Variants in CDYL2 observed in about 807,000 individuals in gnomAD.
CDYL2 encodes the protein chromodomain Y like 2.
Under a neutral mutation model 49.4 loss-of-function variants are expected in CDYL2, and 23 were observed. The observed-to-expected ratio is 0.47, with a 90% confidence interval of 0.34 to 0.66. The LOEUF (loss-of-function observed/expected upper bound fraction) is 0.66, where lower values mean the gene tolerates loss of function less well. Ranked by LOEUF, CDYL2 falls within the 30% of genes least tolerant of loss-of-function variation. The probability of loss-of-function intolerance (pLI) is 0.01; values close to 1 mark genes in which losing one functional copy is unlikely to be tolerated. For synonymous variants in CDYL2, 360 were observed against 268.8 expected (o/e 1.34, Z -3.32); for missense variants, 678 against 656.4 (o/e 1.03, Z -0.36).
intron 1 of CDYL2, among the ~76,000 whole-genome samples, chr16:80,771,153 T>A (rs1906891658): frequency 6.6e-6 from 1 of 152,226 alleles, no homozygotes; most frequent in Admixed American, 6.5e-5. Flanking sequence ...CACTGTCTGA[T>A]AAAAGCAGAT....
chr16:80,673,769 G>A (rs909912954), intron 2 of CDYL2, among the ~76,000 whole-genome samples: 1 of 152,194 alleles, frequency 6.6e-6, no homozygotes, highest in African/African-American at 2.4e-5. Flanking sequence ...ATGGCAAAAA[G>A]GACTTTGTGA....
intron 2 of CDYL2, among the ~76,000 whole-genome samples, chr16:80,641,978 C>T (rs1447451516): frequency 1.3e-5 from 2 of 150,556 alleles, no homozygotes; most frequent in Admixed American, 6.6e-5. Flanking sequence ...CAGAAAAAAA[C>T]GGAATACTAT....
intron 1 of CDYL2, among the ~76,000 whole-genome samples, chr16:80,710,758 T>A (rs1436170155): frequency 6.6e-6 from 1 of 152,050 alleles, no homozygotes; most frequent in Non-Finnish European, 1.5e-5. Context: ...CACACACACA[T>A]ACACACAGAG....
intron 2 of CDYL2, 73 bp from the exon 3 acceptor site, chr16:80,633,309 T>C (rs1332351331): frequency 1.7e-5 from 25 of 1,475,240 alleles, no homozygotes; most frequent in East Asian, 1.1e-4. Context: ...TCAGAGGACG[T>C]TGGGATTTCC....
chr16:80,783,345 T>C (rs751957375), intron 1 of CDYL2, among the ~76,000 whole-genome samples: 4 of 152,188 alleles, frequency 2.6e-5, no homozygotes, highest in African/African-American at 4.8e-5. Context: ...AGGATGGCTA[T>C]AATCAAAAAA....
chr16:80,793,487 C>T (rs754698668), intron 1 of CDYL2, among the ~76,000 whole-genome samples: 1 of 152,204 alleles, frequency 6.6e-6, no homozygotes, highest in African/African-American at 2.4e-5. Flanking sequence ...ATACAGGAAG[C>T]ACTCAATGAA....
intron 3 of CDYL2, among the ~76,000 whole-genome samples, chr16:80,622,898 C>G (rs1421004101): frequency 6.6e-6 from 1 of 152,162 alleles, no homozygotes; most frequent in Non-Finnish European, 1.5e-5. Flanking sequence ...TTACAGAGCA[C>G]TTGCCCATGA....
At chr16:80,625,472 T>C (rs1180615378) in intron 3 of CDYL2, among the ~76,000 whole-genome samples, 3 of 152,214 alleles carry the variant, frequency 2.0e-5, no homozygotes, top group Admixed American at 6.5e-5. Context: ...GCACCCTTAA[T>C]TGTATATCTG....
At chr16:80,783,479 C>G (rs12447629) in intron 1 of CDYL2, among the ~76,000 whole-genome samples, 13,357 of 152,136 alleles carry the variant, frequency 0.088, 726 homozygotes, top group African/African-American at 0.16. Flanking sequence ...CCATGGAACT[C>G]AGCAACCACC....
intron 1 of CDYL2, among the ~76,000 whole-genome samples, chr16:80,761,016 T>C (rs141056181): frequency 3.3e-5 from 5 of 152,218 alleles, no homozygotes; most frequent in African/African-American, 9.6e-5. Context: ...CAATGTGCAA[T>C]AGACTTCAGA....
chr16:80,759,150 A>ATATGGTTTATATATAT (rs1211358459), intron 1 of CDYL2, among the ~76,000 whole-genome samples: 1 of 80,838 alleles, frequency 1.2e-5, no homozygotes, highest in Non-Finnish European at 2.4e-5. Flanking sequence ...GGTTTATATA[A>ATATGGTTTATATATAT]ATATATGGTT....
chr16:80,777,360 A>C (rs374806886), intron 1 of CDYL2, among the ~76,000 whole-genome samples: 2 of 152,126 alleles, frequency 1.3e-5, no homozygotes, highest in South Asian at 2.1e-4. Flanking sequence ...AGATGAAGGA[A>C]TGAATGATAA....
chr16:80,692,534 G>T (rs899038663), intron 1 of CDYL2, among the ~76,000 whole-genome samples: 7 of 152,286 alleles, frequency 4.6e-5, no homozygotes, highest in South Asian at 2.1e-4. Flanking sequence ...ACTGGAGAAG[G>T]TGTAGTAAGA....
intron 2 of CDYL2, among the ~76,000 whole-genome samples, chr16:80,658,184 T>C (rs551330127): frequency 1.8e-4 from 28 of 151,714 alleles, no homozygotes; most frequent in African/African-American, 6.5e-4. Flanking sequence ...CAGGGAAAAT[T>C]GAGTAAAAGG....
chr16:80,611,554 G>A (rs1906597306), intron 5 of CDYL2, among the ~76,000 whole-genome samples: 1 of 152,178 alleles, frequency 6.6e-6, no homozygotes, highest in South Asian at 2.1e-4. Flanking sequence ...GGTCCTGACA[G>A]CTAATCTCAG....
At chr16:80,764,970 G>C (rs747342801) in intron 1 of CDYL2, among the ~76,000 whole-genome samples, 3 of 149,176 alleles carry the variant, frequency 2.0e-5, no homozygotes, top group African/African-American at 7.4e-5. Context: ...TGAGGCAGGA[G>C]AATGGCTTGA....
intron 1 of CDYL2, among the ~76,000 whole-genome samples, chr16:80,798,755 C>T (rs1346740707): frequency 6.6e-6 from 1 of 152,088 alleles, no homozygotes; most frequent in East Asian, 1.9e-4. Context: ...CAACGGCCAA[C>T]TTTATACAGC....
chr16:80,681,256 G>A (rs540776902), intron 2 of CDYL2, among the ~76,000 whole-genome samples: 132 of 152,184 alleles, frequency 8.7e-4, no homozygotes, highest in Non-Finnish European at 1.1e-3. Context: ...CTTCTGCTGG[G>A]CTAAGATGAG....
In CDYL2 at chr16:80,601,259, G is replaced by C. The variant is rs557495054; in HGVS notation, c.*3129C>G. 25 of 152,346 alleles carry C rather than the reference G, an allele frequency of 1.6e-4. No homozygotes were observed. The highest frequency in any genetic ancestry group is 5.8e-4 in the African/African-American group (24 of 41,570). 9.4% of individuals were successfully genotyped at this position (152,346 alleles called of 1,614,324 possible). A position where few individuals can be genotyped will look rare whatever the true frequency, so the allele number is the denominator to read the frequency against. On this transcript the variant is annotated 3_prime_UTR_variant, in exon 7 of 7. Transcript: ENST00000570137. Reference sequence around the variant, plus strand: ...AAGATGCTGAGAGTGAGCCATCACCGGGGTTGGGGCAGAGAGGGAAGGAGA... The same window carrying C: ...AAGATGCTGAGAGTGAGCCATCACCCGGGTTGGGGCAGAGAGGGAAGGAGA...
Sources: allele counts gnomAD v4.1 joint callset (sites outside exome capture counted in the v4.1 genomes callset), GRCh38; gene constraint gnomAD v4.1.1; transcripts MANE v1.5; gene names NCBI Gene and HGNC (gene_info 2026-07-23, HGNC 2026-07-21).